The following GTF2F2 variants were observed in gnomAD, a reference collection of about 807,000 sequenced individuals.
The protein encoded by GTF2F2 is general transcription factor IIF subunit 2.
Under a neutral mutation model 42.2 loss-of-function variants are expected in GTF2F2, and 23 were observed. The observed-to-expected ratio is 0.55, with a 90% confidence interval of 0.39 to 0.77. The LOEUF (loss-of-function observed/expected upper bound fraction) is 0.77, where lower values mean the gene tolerates loss of function less well. Among genes scored for constraint, GTF2F2 ranks in the 30% least tolerant of loss-of-function variants. The probability of loss-of-function intolerance (pLI) is 0.00; values close to 1 mark genes in which losing one functional copy is unlikely to be tolerated. For synonymous variants in GTF2F2, 105 were observed against 100.8 expected (o/e 1.04, Z -0.25); for missense variants, 261 against 287.2 (o/e 0.91, Z 0.66).
intron 5 of GTF2F2, among the ~76,000 whole-genome samples, chr13:45,237,514 C>T (rs1875051430): frequency 6.6e-6 from 1 of 152,132 alleles, no homozygotes; most frequent in Non-Finnish European, 1.5e-5. Context: ...ATACTGAATA[C>T]ATACTATGGG....
At chr13:45,275,509 G>T (rs934130029) in intron 7 of GTF2F2, among the ~76,000 whole-genome samples, 1 of 136,482 alleles carries the variant, frequency 7.3e-6, no homozygotes, top group Non-Finnish European at 1.5e-5. Flanking sequence ...GTGTCCAAGG[G>T]TTCTCATTGT....
intron 2 of GTF2F2, among the ~76,000 whole-genome samples, chr13:45,147,351 T>G (rs1436337456): frequency 6.6e-6 from 1 of 152,230 alleles, no homozygotes; most frequent in Non-Finnish European, 1.5e-5. Flanking sequence ...GGAAGTGTCT[T>G]CTGCATCTTT....
intron 1 of GTF2F2, among the ~76,000 whole-genome samples, chr13:45,122,218 C>T (rs534213544): frequency 1.5e-4 from 23 of 151,728 alleles, no homozygotes; most frequent in Non-Finnish European, 2.8e-4. Context: ...AAGGAAGTAA[C>T]GAACTTTTTG....
intron 4 of GTF2F2, among the ~76,000 whole-genome samples, chr13:45,200,159 T>C (rs907061910): frequency 6.6e-6 from 1 of 152,104 alleles, no homozygotes; most frequent in East Asian, 1.9e-4. Context: ...TGATGAAATA[T>C]TTGAGCAGCT....
chr13:45,194,434 A>T (rs765785812), intron 4 of GTF2F2: 2 of 1,614,176 alleles, frequency 1.2e-6, no homozygotes, highest in Non-Finnish European at 1.7e-6. Context: ...TTTTTGAGTA[A>T]TGTATAAATA....
intron 4 of GTF2F2, among the ~76,000 whole-genome samples, chr13:45,195,956 A>G (rs149382272): frequency 2.2e-4 from 33 of 152,302 alleles, no homozygotes; most frequent in African/African-American, 7.7e-4. Flanking sequence ...GCGCTGGGCC[A>G]CACTGTTAAA....
chr13:45,163,451 G>A (rs1159988505), intron 4 of GTF2F2, among the ~76,000 whole-genome samples: 6 of 152,030 alleles, frequency 3.9e-5, no homozygotes, highest in Non-Finnish European at 8.8e-5. Flanking sequence ...CAGGAGAATT[G>A]CTTGAACCCA....
At chr13:45,140,818 A>G (rs1869893333) in intron 2 of GTF2F2, among the ~76,000 whole-genome samples, 1 of 152,200 alleles carries the variant, frequency 6.6e-6, no homozygotes, top group Admixed American at 6.5e-5. Context: ...AATGTATGTC[A>G]CTGAAGAAAG....
At chr13:45,128,213 G>C (rs186854657) in intron 1 of GTF2F2, among the ~76,000 whole-genome samples, 4,098 of 146,722 alleles carry the variant, frequency 0.028, 85 homozygotes, top group Middle Eastern at 0.11. Flanking sequence ...GCCTGCCTCA[G>C]CCTTCCAAAG....
intron 4 of GTF2F2, among the ~76,000 whole-genome samples, chr13:45,155,179 C>T (rs886613808): frequency 5.3e-5 from 8 of 152,176 alleles, no homozygotes; most frequent in Non-Finnish European, 1.0e-4. Context: ...GCTACAGAAC[C>T]ACTACCCTAG....
intron 5 of GTF2F2, among the ~76,000 whole-genome samples, chr13:45,232,564 G>A (rs2138220492): frequency 6.6e-6 from 1 of 152,270 alleles, no homozygotes; most frequent in South Asian, 2.1e-4. Context: ...GAGTCCAGGA[G>A]GTTGAGGCTA....
intron 7 of GTF2F2, among the ~76,000 whole-genome samples, chr13:45,282,711 G>A (rs1877314583): frequency 6.6e-6 from 1 of 152,072 alleles, no homozygotes; most frequent in South Asian, 2.1e-4. Flanking sequence ...CACCATGTTG[G>A]CCAGGCTGGT....
chr13:45,132,076 G>A (rs1277193130), intron 1 of GTF2F2, among the ~76,000 whole-genome samples: 1 of 152,172 alleles, frequency 6.6e-6, no homozygotes, highest in Non-Finnish European at 1.5e-5. Flanking sequence ...GATTGTGTGA[G>A]AAGTAGATGA....
intron 7 of GTF2F2, among the ~76,000 whole-genome samples, chr13:45,277,640 A>C (rs1296766417): frequency 6.6e-6 from 1 of 152,216 alleles, no homozygotes; most frequent in Admixed American, 6.5e-5. Flanking sequence ...TTAACAGAAG[A>C]ATGTTTTGCC....
Position 45,283,691 on chromosome 13 carries a change from A to G in GTF2F2, c.*130A>G. On this transcript the variant is annotated 3_prime_UTR_variant, in exon 8 of 8. Transcript: ENST00000340473. ...ACAGTACTTTGATTTCTCTCGGTAA[A>G]TTTTTTAAACCTGTAATTCTTGTAA... is the stretch of plus-strand genomic sequence containing the variant. The G allele has an allele frequency of 1.5e-6, 1 of 653,150 alleles. No individual in the cohort carries two copies. Among genetic ancestry groups the G allele is most frequent in the Non-Finnish European group, 2.3e-6 (1 of 442,502 alleles). 40.5% of individuals were successfully genotyped at this position (653,150 alleles called of 1,614,324 possible).
intron 4 of GTF2F2, among the ~76,000 whole-genome samples, chr13:45,182,332 G>A (rs1016826527): frequency 6.6e-6 from 1 of 151,954 alleles, no homozygotes; most frequent in African/African-American, 2.4e-5. Flanking sequence ...TGTTACCTCA[G>A]GTGATCCACC....
At chr13:45,221,464 T>C (rs1874112834) in intron 5 of GTF2F2, among the ~76,000 whole-genome samples, 2 of 152,188 alleles carry the variant, frequency 1.3e-5, no homozygotes, top group African/African-American at 4.8e-5. Flanking sequence ...GACTTATCCA[T>C]GTAACCAAAA....
At chr13:45,176,506 A>G (rs1464056105) in intron 4 of GTF2F2, among the ~76,000 whole-genome samples, 5 of 151,966 alleles carry the variant, frequency 3.3e-5, no homozygotes, top group Non-Finnish European at 7.4e-5. Flanking sequence ...TTTGAGTTGT[A>G]GTTCTTTATA....
intron 1 of GTF2F2, among the ~76,000 whole-genome samples, chr13:45,134,804 C>T (rs190883685): frequency 1.3e-5 from 2 of 152,266 alleles, no homozygotes; most frequent in African/African-American, 4.8e-5. Context: ...GAATCTGATC[C>T]TGGCTTCTTG....
Sources: gnomAD v4.1 joint callset for allele counts (sites outside exome capture counted in the v4.1 genomes callset) on GRCh38, gnomAD v4.1.1 for gene constraint, MANE v1.5 for transcripts, NCBI Gene and HGNC (gene_info 2026-07-23, HGNC 2026-07-21) for gene names.